SGK1: variants seen among roughly 807,000 people sequenced by gnomAD.
SGK1 encodes serum/glucocorticoid regulated kinase 1, also known as serine/threonine-protein kinase Sgk1.
In SGK1, 26 loss-of-function variants were observed where a neutral mutation model predicts 64.2. The observed-to-expected ratio is 0.40, with a 90% CI of 0.30 to 0.56. The LOEUF (loss-of-function observed/expected upper bound fraction) is 0.56. SGK1 is among the 20% of genes least tolerant of loss of function. SGK1 has a pLI of 0.38. For missense variants in SGK1, 519 were observed against 645.6 expected (o/e 0.80, Z 2.12); for synonymous variants, 265 against 239.7 (o/e 1.11, Z -0.98).
chr6:134,206,358 TA>T (rs1582709867), intron 3 of SGK1, among the ~76,000 whole-genome samples: 7 of 8,224 alleles, frequency 8.5e-4, no homozygotes, highest in South Asian at 4.7e-3. Context: ...TATATATATA[TA>T]TATATATATA....
intron 1 of SGK1, among the ~76,000 whole-genome samples, chr6:134,290,578 G>C (rs1192683375): frequency 6.6e-6 from 1 of 152,030 alleles, no homozygotes; most frequent in African/African-American, 2.4e-5. Flanking sequence ...AAAATGAAGA[G>C]TGTAGTTCAC....
chr6:134,305,374 A>C (rs1777519767), intron 1 of SGK1, among the ~76,000 whole-genome samples: 1 of 150,682 alleles, frequency 6.6e-6, no homozygotes, highest in Admixed American at 6.6e-5. Flanking sequence ...AAAAAAAAAA[A>C]AAAAAAAAAA....
intron 3 of SGK1, among the ~76,000 whole-genome samples, chr6:134,190,287 C>CT (rs757580358): frequency 0.14 from 18,451 of 135,486 alleles, 1,354 homozygotes; most frequent in East Asian, 0.21. Flanking sequence ...TCCTTCCTTC[C>CT]TTTTTTTTTT....
chr6:134,280,198 C>CA (rs1228218844), intron 1 of SGK1, among the ~76,000 whole-genome samples: 10,300 of 63,748 alleles, frequency 0.16, 642 homozygotes, highest in Non-Finnish European at 0.22. Flanking sequence ...GACACTGTCT[C>CA]AAAAAAAAAA....
intron 3 of SGK1, among the ~76,000 whole-genome samples, chr6:134,198,761 A>T (rs1480270707): frequency 9.7e-5 from 9 of 92,752 alleles, no homozygotes; most frequent in South Asian, 3.4e-4. Flanking sequence ...ACAGGGTCTT[A>T]CTCCTGGCCT....
In SGK1 at chr6:134,207,732, C is replaced by T. The variant is rs182068661; in HGVS notation, c.286-301G>A. The stretch of plus-strand genomic sequence containing the variant: ...GCTGGAGCTCACCCAGTGCTATGTG[C>T]AGTGCACAAACTGCACAGCCGTATG... On this transcript the variant is annotated intron_variant, in intron 2 of 13. Transcript: ENST00000367858. 1.4e-4 allele frequency among the ~76,000 whole-genome samples: 22 copies of T among 152,300 alleles called. No homozygotes were observed. In the South Asian group the frequency reaches 2.9e-3, roughly 20 times the overall value.
intron 2 of SGK1, among the ~76,000 whole-genome samples, chr6:134,228,841 CTTTTTTTTTTTTT>C (rs754300980): frequency 0.13 from 17,221 of 130,060 alleles, 1,211 homozygotes; most frequent in African/African-American, 0.21. Context: ...TGTAGTTGTT[CTTTTTTTTTTTTT>C]TTTTTTTGAG....
At chr6:134,180,699 C>G (rs1775317456) in intron 3 of SGK1, among the ~76,000 whole-genome samples, 2 of 151,756 alleles carry the variant, frequency 1.3e-5, no homozygotes, top group Non-Finnish European at 2.9e-5. Flanking sequence ...ATAGTGAGAC[C>G]CTGTCTCTAC....
Position 134,234,447 on chromosome 6 carries a change from A to G in SGK1, c.286-27016T>C, listed in dbSNP as rs139503734. Among the ~76,000 whole-genome samples the G allele has an allele frequency of 6.4e-4, 98 of 152,382 alleles. 1 individual carries two copies. Among genetic ancestry groups the G allele is most frequent in the African/African-American group, 2.1e-3 (86 of 41,594 alleles). ...ACAAATAAAAAACCAATACATTTCT[A>G]GCTTGTAACTAGAAGGAGAGACAAA... On this transcript the variant is annotated intron_variant, in intron 2 of 13. Transcript: ENST00000367858.
chr6:134,239,021 A>G (rs1776405159), intron 2 of SGK1, among the ~76,000 whole-genome samples: 1 of 152,256 alleles, frequency 6.6e-6, no homozygotes, highest in East Asian at 1.9e-4. Flanking sequence ...GGTCAAATAT[A>G]TTAGAAGCAT....
At chr6:134,204,760 G>A (rs1340522438) in intron 3 of SGK1, among the ~76,000 whole-genome samples, 1 of 151,894 alleles carries the variant, frequency 6.6e-6, no homozygotes, top group African/African-American at 2.4e-5. Flanking sequence ...CACCATGTTG[G>A]CCAGGCTGGT....
In SGK1 at chr6:134,172,766, G is replaced by A; in HGVS notation, c.843C>T (p.Tyr281=). 1 of 1,609,420 alleles carries A rather than the reference G, an allele frequency of 6.2e-7. No homozygotes were observed. The change falls in exon 9 of 14, where the codon TAC becomes TAT. Residue 281 remains tyrosine (Y), a synonymous_variant. Coordinates refer to ENST00000367858, the MANE Select transcript of SGK1 (RefSeq NM_001143676.3). ...GGAAGCAGCGTTCCCTCTGGAGATGGTAGAACAACTGCAGGAGACAGAACA... is the reference window on the plus strand; with the variant it reads ...GGAAGCAGCGTTCCCTCTGGAGATGATAGAACAACTGCAGGAGACAGAACA... ...LDYINGGELF[Y]HLQRERCFLE...
chr6:134,284,392 G>A (rs1264350898), intron 1 of SGK1, among the ~76,000 whole-genome samples: 8 of 152,130 alleles, frequency 5.3e-5, no homozygotes, highest in Non-Finnish European at 1.0e-4. Context: ...ACTGCAGCCG[G>A]CCCATCACAT....
intron 3 of SGK1, among the ~76,000 whole-genome samples, chr6:134,198,724 C>CTTTTTTT (rs1459010325): frequency 2.8e-3 from 182 of 65,754 alleles, no homozygotes; most frequent in African/African-American, 6.9e-3. Flanking sequence ...TTCTCTTTTT[C>CTTTTTTT]TATTTTTTTT....
At chr6:134,214,671 T>G (rs1457865858) in intron 2 of SGK1, among the ~76,000 whole-genome samples, 1 of 152,046 alleles carries the variant, frequency 6.6e-6, no homozygotes, top group Non-Finnish European at 1.5e-5. Context: ...TGTGCAGTAT[T>G]CTGCAGACAG....
At chr6:134,213,637 A>AATAAATAAATAT (rs1775929189) in intron 2 of SGK1, among the ~76,000 whole-genome samples, 1 of 119,196 alleles carries the variant, frequency 8.4e-6, no homozygotes, top group Admixed American at 7.8e-5. Context: ...TAAATAAATA[A>AATAAATAAATAT]ATAAATAATA....
At chr6:134,271,829 T>A (rs1315048048) in intron 1 of SGK1, among the ~76,000 whole-genome samples, 1 of 147,736 alleles carries the variant, frequency 6.8e-6, no homozygotes, top group Non-Finnish European at 1.5e-5. Context: ...TAAGTTCTCA[T>A]TCCAGTGTTT....
chr6:134,213,129 T>C (rs1775918615), intron 2 of SGK1, among the ~76,000 whole-genome samples: 1 of 152,196 alleles, frequency 6.6e-6, no homozygotes, highest in Admixed American at 6.5e-5. Flanking sequence ...CACAAGTTTA[T>C]AGAAATCCTT....
intron 11 of SGK1, 67 bp from the exon 12 acceptor site, chr6:134,171,245 GAA>G: frequency 7.0e-7 from 1 of 1,424,552 alleles, no homozygotes; most frequent in Non-Finnish European, 9.8e-7. Context: ...TACCAGTAGA[GAA>G]AAAGATATAA....
Sources: allele counts gnomAD v4.1 joint callset (sites outside exome capture counted in the v4.1 genomes callset), GRCh38; gene constraint gnomAD v4.1.1; transcripts MANE v1.5; gene names NCBI Gene and HGNC (gene_info 2026-07-23, HGNC 2026-07-21).